The following RABGAP1L variants were observed in gnomAD, a reference collection of about 807,000 sequenced individuals.
RABGAP1L encodes the protein RAB GTPase activating protein 1 like.
In RABGAP1L, 63 loss-of-function variants were observed where a neutral mutation model predicts 137.7. The ratio of observed to expected loss-of-function variants is 0.46; its 90% confidence interval spans 0.37 to 0.56. RABGAP1L has a LOEUF of 0.56. RABGAP1L is among the 20% of genes least tolerant of loss of function. RABGAP1L has a pLI of 0.00. For missense variants in RABGAP1L, 1,095 were observed against 1,244.0 expected (o/e 0.88, Z 1.80); for synonymous variants, 431 against 433.7 (o/e 0.99, Z 0.08).
chr1:174,396,620 C>T (rs1191947824), intron 13 of RABGAP1L, among the ~76,000 whole-genome samples: 1 of 151,838 alleles, frequency 6.6e-6, no homozygotes, highest in Non-Finnish European at 1.5e-5. Context: ...CTTTTATTGG[C>T]TGCCATGGGG....
intron 21 of RABGAP1L, among the ~76,000 whole-genome samples, chr1:174,969,913 A>G (rs747849925): frequency 3.3e-5 from 5 of 152,218 alleles, no homozygotes; most frequent in Non-Finnish European, 7.3e-5. Context: ...AGCTGTCTAT[A>G]GGTATAAAAA....
At chr1:174,649,716 T>C (rs915259927) in intron 14 of RABGAP1L, among the ~76,000 whole-genome samples, 15 of 152,064 alleles carry the variant, frequency 9.9e-5, no homozygotes, top group African/African-American at 3.6e-4. Flanking sequence ...AGGTGCTTAT[T>C]AGCTTAATGA....
chr1:174,632,477 CT>C (rs1203340577), intron 13 of RABGAP1L, among the ~76,000 whole-genome samples: 7 of 150,026 alleles, frequency 4.7e-5, no homozygotes, highest in African/African-American at 1.7e-4. Context: ...GGATAATATC[CT>C]GCAGAGTGTT....
chr1:174,744,962 T>C (rs1423987977), intron 17 of RABGAP1L, among the ~76,000 whole-genome samples: 1 of 152,222 alleles, frequency 6.6e-6, no homozygotes, highest in African/African-American at 2.4e-5. Flanking sequence ...AAAGTTTTTC[T>C]AAATCCGAAA....
At chr1:174,820,013 G>C (rs1025657489) in intron 19 of RABGAP1L, among the ~76,000 whole-genome samples, 1 of 152,080 alleles carries the variant, frequency 6.6e-6, no homozygotes, top group Admixed American at 6.6e-5. Flanking sequence ...ACAGGATCTA[G>C]GATGAAGGGA....
chr1:174,320,697 T>C (rs1174871418), intron 11 of RABGAP1L, among the ~76,000 whole-genome samples: 1 of 152,212 alleles, frequency 6.6e-6, no homozygotes, highest in Non-Finnish European at 1.5e-5. Context: ...TCATGGACAT[T>C]TATCACTTCC....
intron 13 of RABGAP1L, among the ~76,000 whole-genome samples, chr1:174,483,469 CATT>C (rs1659324931): frequency 1.3e-5 from 2 of 152,206 alleles, no homozygotes; most frequent in East Asian, 3.8e-4. Flanking sequence ...GACAGTATCT[CATT>C]ATTTTTTATG....
intron 20 of RABGAP1L, chr1:174,958,140 A>G: frequency 6.7e-7 from 1 of 1,485,742 alleles, no homozygotes; most frequent in East Asian, 2.7e-5. Flanking sequence ...TAAAAATACC[A>G]ACTCACTTGG....
At chr1:174,823,864 G>A (rs1691297657) in intron 19 of RABGAP1L, among the ~76,000 whole-genome samples, 1 of 152,134 alleles carries the variant, frequency 6.6e-6, no homozygotes, top group South Asian at 2.1e-4. Flanking sequence ...ATTAGAAATT[G>A]GCTGGGTAAG....
At chr1:174,174,001 A>C (rs1226746814) in intron 1 of RABGAP1L, among the ~76,000 whole-genome samples, 1 of 152,170 alleles carries the variant, frequency 6.6e-6, no homozygotes, top group East Asian at 1.9e-4. Context: ...GTTTAATAAG[A>C]AATTCTTTAT....
At chr1:174,850,008 A>G (rs1457091587) in intron 19 of RABGAP1L, 7 of 662,410 alleles carry the variant, frequency 1.1e-5, no homozygotes, top group Admixed American at 5.6e-5. Context: ...TTTATGAGCA[A>G]TCTCTCCCTT....
chr1:174,893,436 C>T (rs558842076), intron 19 of RABGAP1L, among the ~76,000 whole-genome samples: 3 of 152,100 alleles, frequency 2.0e-5, no homozygotes, highest in Admixed American at 2.0e-4. Context: ...AAAGTGGTTT[C>T]CAAAGACAAT....
intron 13 of RABGAP1L, among the ~76,000 whole-genome samples, chr1:174,622,245 C>T (rs1048854940): frequency 2.0e-5 from 3 of 152,234 alleles, no homozygotes; most frequent in Non-Finnish European, 4.4e-5. Flanking sequence ...AACACTTTTA[C>T]AGTGTTGGTG....
chr1:174,574,887 G>C (rs1394444602), intron 13 of RABGAP1L, among the ~76,000 whole-genome samples: 1 of 152,132 alleles, frequency 6.6e-6, no homozygotes, highest in Non-Finnish European at 1.5e-5. Context: ...AGAGTAGACT[G>C]GATTTTCTCT....
At chr1:174,734,216 A>G (rs1453652798) in intron 17 of RABGAP1L, among the ~76,000 whole-genome samples, 2 of 152,168 alleles carry the variant, frequency 1.3e-5, no homozygotes, top group Admixed American at 1.3e-4. Context: ...CAGAGGAGAT[A>G]GTGAGGCTAA....
chr1:174,451,142 T>A (rs1170115616), intron 13 of RABGAP1L, among the ~76,000 whole-genome samples: 1 of 152,240 alleles, frequency 6.6e-6, no homozygotes, highest in Non-Finnish European at 1.5e-5. Flanking sequence ...TTATATTTAT[T>A]CTTGTCCCCT....
chr1:174,263,326 A>C (rs114661425), intron 7 of RABGAP1L, among the ~76,000 whole-genome samples: 2,323 of 152,328 alleles, frequency 0.015, 31 homozygotes, highest in Middle Eastern at 0.048. Context: ...GAAAGGACCC[A>C]ACTTCCACGT....
chr1:174,337,907 C>T (rs1267966464), intron 11 of RABGAP1L, among the ~76,000 whole-genome samples: 1 of 152,040 alleles, frequency 6.6e-6, no homozygotes, highest in African/African-American at 2.4e-5. Context: ...TTTAAGATTG[C>T]TTATATTTTA....
At chr1:174,736,166 C>A (rs1187777248) in intron 17 of RABGAP1L, among the ~76,000 whole-genome samples, 1 of 152,186 alleles carries the variant, frequency 6.6e-6, no homozygotes, top group Non-Finnish European at 1.5e-5. Flanking sequence ...GATCCTTCTA[C>A]CTGTAAGTCT....
Sources: gnomAD v4.1 joint callset for allele counts (sites outside exome capture counted in the v4.1 genomes callset) on GRCh38, gnomAD v4.1.1 for gene constraint, MANE v1.5 for transcripts, NCBI Gene and HGNC (gene_info 2026-07-23, HGNC 2026-07-21) for gene names.